FBXO31: variants seen among roughly 807,000 people sequenced by gnomAD.
FBXO31 encodes F-box protein 31.
In FBXO31, 24 loss-of-function variants were observed where a neutral mutation model predicts 54.4. The ratio of observed to expected loss-of-function variants is 0.44; its 90% CI spans 0.32 to 0.62. The LOEUF (loss-of-function observed/expected upper bound fraction) is 0.62, where lower values mean the gene tolerates loss of function less well. Ranked by LOEUF, FBXO31 falls within the 20% of genes least tolerant of loss-of-function variation. The probability of loss-of-function intolerance (pLI) is 0.05; values close to 1 mark genes in which losing one functional copy is unlikely to be tolerated. For synonymous variants in FBXO31, 388 were observed against 335.6 expected (o/e 1.16, Z -1.71); for missense variants, 665 against 787.1 (o/e 0.84, Z 1.86).
chr16:87,375,771 G>A lies in FBXO31; in HGVS notation c.340+7634C>T, dbSNP rs145286781. 1.4e-3 allele frequency among the ~76,000 whole-genome samples: 210 copies of A among 152,238 alleles called. 1 individual carries two copies. The highest frequency in any genetic ancestry group is 3.4e-3 in the Middle Eastern group (1 of 294). On this transcript the variant is annotated intron_variant, in intron 1 of 8. Transcript: ENST00000311635. ...GTGAGTTTGGTTTTGTTTCCTATCC[G>A]GAGAAGGAGCCCTTATTTGTGATCT... is the stretch of plus-strand genomic sequence containing the variant.
chr16:87,370,941 G>C (rs1906576299), intron 1 of FBXO31, among the ~76,000 whole-genome samples: 1 of 152,204 alleles, frequency 6.6e-6, no homozygotes, highest in African/African-American at 2.4e-5. Context: ...GGAATGAGCT[G>C]GCGGTGGCAG....
intron 2 of FBXO31, among the ~76,000 whole-genome samples, chr16:87,359,635 G>A (rs1473510730): frequency 6.6e-6 from 1 of 152,198 alleles, no homozygotes; most frequent in Non-Finnish European, 1.5e-5. Context: ...ATGAAAACGT[G>A]GGGTATGAGA....
At position 87,345,944 on chromosome 16, in the gene FBXO31, T is replaced by C. The variant is rs1288462090; in HGVS notation, c.489+1230A>G. 6.6e-6 allele frequency among the ~76,000 whole-genome samples: 1 copy of C among 152,158 alleles called. No homozygotes were observed. The highest frequency in any genetic ancestry group is 1.9e-4 in the East Asian group (1 of 5,192). ...GCAACCAGAGAACACAGCCCCATGCTGCACACAGGCAGTTGCACGAGGCAC... is the reference window on the plus strand; with the variant it reads ...GCAACCAGAGAACACAGCCCCATGCCGCACACAGGCAGTTGCACGAGGCAC... On this transcript the variant is annotated intron_variant, in intron 3 of 8. Transcript: ENST00000311635. This position sits in a 1 kb window ranked among gnomAD's most constrained non-coding sequence, Gnocchi z 4.9.
At position 87,331,409 on chromosome 16, in the gene FBXO31, C is replaced by T. The variant is rs746669697; in HGVS notation, c.1499G>A (p.Trp500Ter). 1 of 1,613,862 alleles carries T rather than the reference C, an allele frequency of 6.2e-7. No individual in the cohort carries two copies. ...LFDEDRFGFVWLELKSFSLYS... is the reference protein window; with the variant it reads ...LFDEDRFGFV ...CAGGCTGAAGGATTTCAGCTCCAGC[C>T]AGACGAACCCGAAGCGGTCCTCATC... The change falls in exon 9 of 9, where the codon TGG becomes TAG. Residue 500 changes from tryptophan to a stop codon, truncating the protein, a stop_gained. Coordinates refer to ENST00000311635, the MANE Select transcript of FBXO31 (RefSeq NM_024735.5). LOFTEE classifies it high-confidence loss of function.
At chr16:87,344,822 C>G (rs991925631) in intron 3 of FBXO31, among the ~76,000 whole-genome samples, 2 of 152,184 alleles carry the variant, frequency 1.3e-5, no homozygotes, top group Non-Finnish European at 2.9e-5. Flanking sequence ...GCGGGTTTCT[C>G]CACAGCGGCT....
In FBXO31 at chr16:87,331,431, C is replaced by T; in HGVS notation, c.1477G>A (p.Glu493Lys). 1 of 1,613,826 alleles carries T rather than the reference C, an allele frequency of 6.2e-7. No individual in the cohort carries two copies. Among genetic ancestry groups the T allele is most frequent in the Non-Finnish European group, 8.5e-7 (1 of 1,179,990 alleles). ...AGCCAGACGAACCCGAAGCGGTCCT[C>T]ATCGAAGAGGATGAAGACCCCGGGG... ...RTPGVFILFD[E>K]DRFGFVWLEL... Residue 493 changes from glutamate (E) to lysine (K), a missense_variant, in exon 9 of 9, where the codon GAG (glutamate) becomes AAG (lysine). Glu to Lys is a moderately conservative substitution (Grantham distance 56). This residue lies in a region of FBXO31 where 71 missense variants were observed against 105.8 expected (regional missense o/e 0.67). Transcript: ENST00000311635.
chr16:87,331,534 T>C, intron 8 of FBXO31, 24 bp from the exon 9 acceptor site: 1 of 1,569,088 alleles, frequency 6.4e-7, no homozygotes, highest in Non-Finnish European at 8.7e-7. Context: ...AGAGGGAAAC[T>C]GTGAGCTGGG....
intron 2 of FBXO31, among the ~76,000 whole-genome samples, chr16:87,350,361 A>C (rs1905597823): frequency 6.6e-6 from 1 of 152,186 alleles, no homozygotes; most frequent in Non-Finnish European, 1.5e-5. Flanking sequence ...GAAGTTCCTA[A>C]ATGAGCCCCG....
chr16:87,391,198 T>C (rs1907531521), upstream of FBXO31, among the ~76,000 whole-genome samples: 1 of 151,954 alleles, frequency 6.6e-6, no homozygotes, highest in Non-Finnish European at 1.5e-5. Flanking sequence ...TCCCAGCTTC[T>C]CGGGAGGCTG....
rs2150668213 is a variant in FBXO31, at chr16:87,334,057, G to A, written c.1226C>T (p.Ala409Val). The A allele has an allele frequency of 6.2e-7, 1 of 1,612,050 alleles. No homozygotes were observed. Among genetic ancestry groups the A allele is most frequent in the Admixed American group, 1.7e-5 (1 of 59,954 alleles). Reference protein sequence around the residue: ...ESQPSPAQPRAEAPSKGPDGT... With the variant: ...ESQPSPAQPRVEAPSKGPDGT... ...ATCTGGGCCCTTGCTGGGCGCCTCT[G>A]CCCTGGGCTGGGCAGGGCTTGGCTG... Residue 409 changes from alanine to valine, a missense_variant, in exon 8 of 9, where the codon GCA (alanine) becomes GTA (valine). Coordinates refer to ENST00000311635, the MANE Select transcript of FBXO31 (RefSeq NM_024735.5).
chr16:87,339,364 T>C (rs1905123476), intron 5 of FBXO31, among the ~76,000 whole-genome samples: 1 of 151,992 alleles, frequency 6.6e-6, no homozygotes. Context: ...GATGCATGAA[T>C]CCACAGACAG....
Position 87,358,766 on chromosome 16 carries a change from C to T in FBXO31, c.412+1529G>A, listed in dbSNP as rs967471038. On this transcript the variant is annotated intron_variant, in intron 2 of 8. Transcript: ENST00000311635. The surrounding 1 kb of genome is among the most constrained non-coding windows in gnomAD (Gnocchi z 4.0). ...TTTCCATATTTGATCACACTCCTCC[C>T]GGGGCCAGCACACTCCCGGCAGGCC... Among the ~76,000 whole-genome samples, 3 of 152,168 alleles carry T rather than the reference C, an allele frequency of 2.0e-5. No homozygotes were observed. Among genetic ancestry groups the T allele is most frequent in the Non-Finnish European group, 4.4e-5 (3 of 68,036 alleles).
intron 1 of FBXO31, among the ~76,000 whole-genome samples, chr16:87,379,555 A>C (rs1041555230): frequency 1.3e-5 from 2 of 152,306 alleles, no homozygotes; most frequent in Admixed American, 1.3e-4. Context: ...ACTGAATAAA[A>C]GCAAGCAGCT....
rs975529190 is a variant in FBXO31, at chr16:87,338,788, C to T, written c.733-2524G>A. ...TCCCTGGGCAGACAGGACTCCACTCCCTTGGAACCTGCTTGATGTGGTTTG... is the reference window on the plus strand; with the variant it reads ...TCCCTGGGCAGACAGGACTCCACTCTCTTGGAACCTGCTTGATGTGGTTTG... On this transcript the variant is annotated intron_variant, in intron 5 of 8. Transcript: ENST00000311635. This position sits in a 1 kb window ranked among gnomAD's most constrained non-coding sequence, Gnocchi z 4.3. Among the ~76,000 whole-genome samples, 3 of 152,152 alleles carry T rather than the reference C, an allele frequency of 2.0e-5. No individual in the cohort carries two copies. Among genetic ancestry groups the T allele is most frequent in the Non-Finnish European group, 4.4e-5 (3 of 68,020 alleles).
Position 87,383,341 on chromosome 16 carries a change from T to C in FBXO31, c.340+64A>G. 1 of 1,354,088 alleles carries C rather than the reference T, an allele frequency of 7.4e-7. No individual in the cohort carries two copies. The allele number at this position is 1,354,088 out of a possible 1,614,324, so 83.9% of individuals were successfully genotyped here. ...GGCCACCGCCCCCGCCACTCCCAGCTCCGAGGCCTCCACCTGGCAGGGACC... is the reference window on the plus strand; with the variant it reads ...GGCCACCGCCCCCGCCACTCCCAGCCCCGAGGCCTCCACCTGGCAGGGACC... On this transcript the variant is annotated intron_variant, in intron 1 of 8. Transcript: ENST00000311635. The surrounding 1 kb of genome is among the most constrained non-coding windows in gnomAD (Gnocchi z 4.9).
intron 3 of FBXO31, 74 bp downstream of exon 3, chr16:87,347,100 G>T: frequency 7.7e-7 from 1 of 1,301,888 alleles, no homozygotes; most frequent in African/African-American, 1.5e-5. Flanking sequence ...AGGTAGAAGA[G>T]GCCCTCAAAT....
At position 87,334,124 on chromosome 16, in the gene FBXO31, C is replaced by T. The variant is rs756755313; in HGVS notation, c.1159G>A (p.Glu387Lys). ...VRQEQQEGGH[E>K]AGEGRGRQGP... ...TGCCGGCCACGACCCTCGCCCGCCT[C>T]GTGCCCGCCTTCCTGCTGCTCCTGG... Residue 387 changes from glutamate (E) to lysine (K), a missense_variant, in exon 8 of 9, where the codon GAG (glutamate) becomes AAG (lysine). This residue lies in a region of FBXO31 where 165 missense variants were observed against 159.7 expected (regional missense o/e 1.03). Coordinates refer to ENST00000311635, the MANE Select transcript of FBXO31 (RefSeq NM_024735.5). 7 of 1,611,320 alleles carry T rather than the reference C, an allele frequency of 4.3e-6. No homozygotes were observed. Among genetic ancestry groups the T allele is most frequent in the Non-Finnish European group, 5.9e-6 (7 of 1,178,942 alleles).
chr16:87,357,633 G>A (rs1033733344), intron 2 of FBXO31, among the ~76,000 whole-genome samples: 15 of 151,938 alleles, frequency 9.9e-5, no homozygotes, highest in Admixed American at 2.6e-4. Flanking sequence ...TGGCCAAAAA[G>A]AAGAATTAAG....
intron 2 of FBXO31, among the ~76,000 whole-genome samples, chr16:87,351,343 T>C (rs779209508): frequency 2.0e-5 from 3 of 152,184 alleles, no homozygotes; most frequent in African/African-American, 7.2e-5. Flanking sequence ...ATTATAAACA[T>C]GTCATCTAGA....
Sources: gnomAD v4.1 joint callset for allele counts (sites outside exome capture counted in the v4.1 genomes callset) on GRCh38, gnomAD v4.1.1 for gene constraint, gnomAD v4.1.1 regional missense constraint, Gnocchi (gnomAD v3.1) non-coding constraint, MANE v1.5 for transcripts, NCBI Gene and HGNC (gene_info 2026-07-23, HGNC 2026-07-21) for gene names.